TENM3: variants seen among roughly 807,000 people sequenced by gnomAD.
TENM3 encodes teneurin transmembrane protein 3.
In TENM3, 63 loss-of-function variants were observed where a neutral mutation model predicts 255.1. The ratio of observed to expected loss-of-function variants is 0.25; its 90% CI spans 0.20 to 0.30. TENM3 has a LOEUF of 0.30. Among genes scored for constraint, TENM3 ranks in the 10% least tolerant of loss-of-function variants. The probability of loss-of-function intolerance (pLI) is 1.00; values close to 1 mark genes in which losing one functional copy is unlikely to be tolerated. For missense variants in TENM3, 2,929 were observed against 3,461.1 expected (o/e 0.85, Z 3.86); for synonymous variants, 1,306 against 1,322.3 (o/e 0.99, Z 0.27).
At chr4:182,100,468 C>T in the TENM3 span, among the ~76,000 whole-genome samples, 20,429 of 60,036 alleles carry the variant, frequency 0.34, 2,233 homozygotes, top group Non-Finnish European at 0.36. Context: ...TATATATATA[C>T]ACACACACAC....
the TENM3 span, among the ~76,000 whole-genome samples, chr4:181,863,372 A>T: frequency 6.6e-6 from 1 of 152,210 alleles, no homozygotes. Flanking sequence ...AATGTCAAAG[A>T]CAGTAAATAT....
intron 1 of TENM3, among the ~76,000 whole-genome samples, chr4:182,307,148 C>A (rs897437135): frequency 2.2e-4 from 34 of 152,226 alleles, no homozygotes; most frequent in Admixed American, 7.2e-4. Flanking sequence ...CTTGTACATA[C>A]AGGATAATGG....
the TENM3 span, among the ~76,000 whole-genome samples, chr4:181,699,472 A>AAAAAAAAAAAAAAAAAAAAAAAT: frequency 1.5e-5 from 2 of 133,000 alleles, no homozygotes; most frequent in African/African-American, 6.0e-5. Flanking sequence ...AAAAAAAAAA[A>AAAAAAAAAAAAAAAAAAAAAAAT]GAAAGAAAGA....
At chr4:182,001,487 A>C in the TENM3 span, among the ~76,000 whole-genome samples, 1 of 152,114 alleles carries the variant, frequency 6.6e-6, no homozygotes, top group Non-Finnish European at 1.5e-5. Context: ...CTGTTCGGTA[A>C]CTAACCAAAC....
chr4:181,846,092 C>T, the TENM3 span, among the ~76,000 whole-genome samples: 1 of 152,136 alleles, frequency 6.6e-6, no homozygotes, highest in African/African-American at 2.4e-5. Context: ...CATTTTCCTA[C>T]ATGGTTTTTT....
chr4:182,151,338 A>C (rs1271825895), intron 1 of TENM3, among the ~76,000 whole-genome samples: 2 of 152,190 alleles, frequency 1.3e-5, no homozygotes, highest in Non-Finnish European at 2.9e-5. Context: ...TTTGGTAAAA[A>C]GTACGCTATT....
the TENM3 span, among the ~76,000 whole-genome samples, chr4:181,486,854 A>G: frequency 6.6e-6 from 1 of 152,216 alleles, no homozygotes; most frequent in Non-Finnish European, 1.5e-5. Flanking sequence ...GTACAATTAC[A>G]TTGGCATCTG....
chr4:181,450,006 T>C, the TENM3 span, among the ~76,000 whole-genome samples: 4 of 152,198 alleles, frequency 2.6e-5, no homozygotes, highest in Admixed American at 6.5e-5. Flanking sequence ...CGCATATTTT[T>C]AAGTAAATTA....
chr4:182,312,256 G>T (rs1442312841), intron 1 of TENM3, among the ~76,000 whole-genome samples: 1 of 152,214 alleles, frequency 6.6e-6, no homozygotes, highest in African/African-American at 2.4e-5. Context: ...CAGTACTTTG[G>T]GAGGCCAAGG....
the TENM3 span, among the ~76,000 whole-genome samples, chr4:181,920,607 G>C: frequency 6.6e-6 from 1 of 151,738 alleles, no homozygotes; most frequent in African/African-American, 2.4e-5. Context: ...AAATTTGTTT[G>C]AGTTCATTGT....
chr4:182,296,191 G>A (rs1284108973), intron 1 of TENM3, among the ~76,000 whole-genome samples: 6 of 152,090 alleles, frequency 3.9e-5, no homozygotes, highest in Admixed American at 6.5e-5. Context: ...TCGAACTCCC[G>A]ACCTCAGATG....
At chr4:182,687,036 G>A (rs7697828) in intron 11 of TENM3, among the ~76,000 whole-genome samples, 13,864 of 152,112 alleles carry the variant, frequency 0.091, 882 homozygotes, top group African/African-American at 0.18. Flanking sequence ...AAGGTGTTTA[G>A]CCTGTGAGAT....
chr4:182,478,026 C>G, intron 3 of TENM3, among the ~76,000 whole-genome samples: 1 of 152,094 alleles, frequency 6.6e-6, no homozygotes, highest in Non-Finnish European at 1.5e-5. Context: ...ATAGTGAGAA[C>G]TGTTTCAACT....
chr4:182,000,340 C>T, the TENM3 span, among the ~76,000 whole-genome samples: 2 of 151,886 alleles, frequency 1.3e-5, no homozygotes, highest in Non-Finnish European at 2.9e-5. Context: ...ATTATACCAC[C>T]GGGACCTCCT....
chr4:181,819,900 T>G, the TENM3 span: 2 of 152,016 alleles, frequency 1.3e-5, no homozygotes, highest in Non-Finnish European at 2.9e-5. Flanking sequence ...TAGAAGTAAC[T>G]GTGGTTCTCA....
At chr4:181,571,526 C>T in the TENM3 span, among the ~76,000 whole-genome samples, 1 of 152,028 alleles carries the variant, frequency 6.6e-6, no homozygotes, top group Non-Finnish European at 1.5e-5. Flanking sequence ...TTTTTAGAAA[C>T]TAGGTCTCTC....
At chr4:182,245,411 T>C (rs1248121692) in intron 1 of TENM3, among the ~76,000 whole-genome samples, 1 of 152,236 alleles carries the variant, frequency 6.6e-6, no homozygotes, top group African/African-American at 2.4e-5. Context: ...ACATTGCTTC[T>C]CAGGTGGCCC....
At chr4:182,651,255 C>G (rs1753258138) in intron 5 of TENM3, among the ~76,000 whole-genome samples, 2 of 152,116 alleles carry the variant, frequency 1.3e-5, no homozygotes, top group African/African-American at 4.8e-5. Flanking sequence ...ATCTGAAACC[C>G]TGAAAAATGT....
chr4:181,476,722 T>TA, the TENM3 span, among the ~76,000 whole-genome samples: 2 of 152,228 alleles, frequency 1.3e-5, no homozygotes, highest in African/African-American at 4.8e-5. Flanking sequence ...TGCTCATAAA[T>TA]ACGTTTCCAA....
Sources: gnomAD v4.1 joint callset for allele counts (sites outside exome capture counted in the v4.1 genomes callset) on GRCh38, gnomAD v4.1.1 for gene constraint, MANE v1.5 for transcripts, NCBI Gene and HGNC (gene_info 2026-07-23, HGNC 2026-07-21) for gene names.